The following MORC1 variants were observed in gnomAD, a reference collection of about 807,000 sequenced individuals.
The protein encoded by MORC1 is MORC family CW-type zinc finger 1.
A neutral mutation model predicts 134.9 loss-of-function variants in MORC1; 59 were observed. The ratio of observed to expected loss-of-function variants is 0.44; its 90% CI spans 0.35 to 0.54. The LOEUF (loss-of-function observed/expected upper bound fraction) is 0.54, where lower values mean the gene tolerates loss of function less well. MORC1 is among the 20% of genes least tolerant of loss of function. The probability of loss-of-function intolerance (pLI) is 0.00; values close to 1 mark genes in which losing one functional copy is unlikely to be tolerated. For missense variants in MORC1, 947 were observed against 1,134.5 expected, an observed-to-expected ratio of 0.83 and a Z score of 2.37; for synonymous variants, 395 against 391.7, an observed-to-expected ratio of 1.01 and a Z score of -0.10.
chr3:109,011,557 T>C (rs1289582787), intron 17 of MORC1, among the ~76,000 whole-genome samples: 1 of 151,808 alleles, frequency 6.6e-6, no homozygotes, highest in Non-Finnish European at 1.5e-5. Flanking sequence ...GTTTCGCTCT[T>C]GCTGCCCAGG....
intron 12 of MORC1, among the ~76,000 whole-genome samples, chr3:109,059,229 T>C (rs1179639826): frequency 1.3e-5 from 2 of 152,164 alleles, no homozygotes; most frequent in Non-Finnish European, 2.9e-5. Flanking sequence ...TGATCTTATG[T>C]GGGCAGCAGT....
At chr3:109,113,745 T>C (rs978915867) in intron 2 of MORC1, among the ~76,000 whole-genome samples, 1 of 151,252 alleles carries the variant, frequency 6.6e-6, no homozygotes, top group African/African-American at 2.4e-5. Context: ...GTTTAACGGG[T>C]TCCTTAATCA....
At chr3:109,070,464 T>C (rs1950294105) in intron 8 of MORC1, among the ~76,000 whole-genome samples, 1 of 152,178 alleles carries the variant, frequency 6.6e-6, no homozygotes, top group Admixed American at 6.5e-5. Context: ...TCCAGGGAAC[T>C]TCTATATTAA....
chr3:109,029,728 C>T (rs192624967), intron 16 of MORC1, among the ~76,000 whole-genome samples: 1 of 152,278 alleles, frequency 6.6e-6, no homozygotes, highest in Non-Finnish European at 1.5e-5. Context: ...CTCCACCTTA[C>T]CCTCTCCGGG....
At chr3:109,063,792 T>G (rs1445343789) in intron 9 of MORC1, among the ~76,000 whole-genome samples, 1 of 152,092 alleles carries the variant, frequency 6.6e-6, no homozygotes, top group Non-Finnish European at 1.5e-5. Context: ...TATACATACA[T>G]ATATATATCC....
intron 17 of MORC1, among the ~76,000 whole-genome samples, chr3:109,020,777 G>A (rs200359842): frequency 2.6e-4 from 24 of 90,868 alleles, no homozygotes; most frequent in African/African-American, 3.7e-4. Flanking sequence ...AAAAAAAAAA[G>A]ATTAGGTATG....
At chr3:108,980,798 T>C (rs1168254194) in intron 23 of MORC1, among the ~76,000 whole-genome samples, 1 of 152,144 alleles carries the variant, frequency 6.6e-6, no homozygotes, top group Non-Finnish European at 1.5e-5. Flanking sequence ...AGAGAAATAC[T>C]TAGTCATGAT....
intron 27 of MORC1, among the ~76,000 whole-genome samples, chr3:108,962,465 C>T (rs72935327): frequency 0.012 from 1,899 of 152,160 alleles, 38 homozygotes; most frequent in African/African-American, 0.042. Context: ...ATATGTATGG[C>T]GAGTTTCTTG....
chr3:109,088,016 T>G (rs1277245275), intron 8 of MORC1, among the ~76,000 whole-genome samples: 2 of 152,102 alleles, frequency 1.3e-5, no homozygotes, highest in Non-Finnish European at 2.9e-5. Context: ...GATAACTGGC[T>G]AGCCATATGC....
chr3:109,091,782 T>A lies in MORC1; in HGVS notation c.689+1654A>T, dbSNP rs529656003. Among the ~76,000 whole-genome samples, 8 of 152,224 alleles carry A rather than the reference T, an allele frequency of 5.3e-5. No homozygotes were observed. The South Asian group carries it at 8.3e-4, about 16-fold the overall frequency. ...TTCTTGTGATTAAACTAAAAAAAAA[T>A]TTTTGCTGAAAAACAAATTAGAAAA... On this transcript the variant is annotated intron_variant, in intron 8 of 27. Transcript: ENST00000232603.
chr3:109,070,553 G>A (rs891167587), intron 8 of MORC1, among the ~76,000 whole-genome samples: 3 of 152,076 alleles, frequency 2.0e-5, no homozygotes, highest in Non-Finnish European at 2.9e-5. Context: ...TGCTGAAGAA[G>A]CGATGCTCTT....
intron 18 of MORC1, among the ~76,000 whole-genome samples, chr3:109,005,940 T>C (rs1388660452): frequency 6.6e-6 from 1 of 152,180 alleles, no homozygotes; most frequent in South Asian, 2.1e-4. Flanking sequence ...TAGCTCTCAT[T>C]TTCCTTCACA....
rs536150511 is a variant in MORC1 at position 109,033,687 on chromosome 3, C to G, written c.1460-862G>C. On this transcript the variant is annotated intron_variant, in intron 15 of 27. Coordinates refer to ENST00000232603, the MANE Select transcript of MORC1 (RefSeq NM_014429.4). Reference sequence around the variant, plus strand: ...ACTGCTTATATTTCAGTATCATTATCTATTAAAAGATTAATATTATATTAG... The same window carrying G: ...ACTGCTTATATTTCAGTATCATTATGTATTAAAAGATTAATATTATATTAG... 2.0e-5 allele frequency among the ~76,000 whole-genome samples: 3 copies of G among 152,238 alleles called. No individual in the cohort carries two copies. The South Asian group carries it at 6.2e-4, about 32-fold the overall frequency.
At chr3:109,116,407 T>A (rs1427538676) in intron 1 of MORC1, among the ~76,000 whole-genome samples, 1 of 152,156 alleles carries the variant, frequency 6.6e-6, no homozygotes, top group Non-Finnish European at 1.5e-5. Flanking sequence ...AAGCATGCAC[T>A]CTGGATTGGA....
At chr3:109,002,849 C>T (rs531617597) in intron 20 of MORC1, among the ~76,000 whole-genome samples, 6 of 152,172 alleles carry the variant, frequency 3.9e-5, no homozygotes, top group Non-Finnish European at 7.4e-5. Context: ...AGTACCTGCC[C>T]TACTCCTTCA....
Position 108,963,503 on chromosome 3 carries a change from C to T in MORC1, c.2710G>A (p.Gly904Arg), listed in dbSNP as rs1243846476. 1.2e-6 allele frequency: 2 copies of T among 1,611,720 alleles called. No individual in the cohort carries two copies. Among genetic ancestry groups the T allele is most frequent in the South Asian group, 2.2e-5 (2 of 90,774 alleles). Residue 904 changes from glycine to arginine, a missense_variant, in exon 27 of 28, where the codon GGG becomes AGG. Transcript: ENST00000232603. ...ATTTTTCTTTTATTTTCACATTGCC[C>T]CAGAGAGATTTCATTATGTATTCCT... is the stretch of plus-strand genomic sequence containing the variant. ...TRGIHNEISL[G>R]QCENKRKISE... is the part of the protein sequence containing the mutation.
intron 17 of MORC1, among the ~76,000 whole-genome samples, chr3:109,027,333 T>C (rs1949101319): frequency 6.6e-6 from 1 of 152,208 alleles, no homozygotes. Context: ...AGTTAATAGG[T>C]TAATGTTTTT....
At chr3:109,008,198 A>T (rs1273439519) in intron 17 of MORC1, among the ~76,000 whole-genome samples, 3 of 152,126 alleles carry the variant, frequency 2.0e-5, no homozygotes, top group African/African-American at 7.2e-5. Flanking sequence ...GGATCTTCTC[A>T]ATCTTTTACT....
chr3:109,112,408 T>C (rs1172170715), intron 2 of MORC1, among the ~76,000 whole-genome samples: 2 of 152,222 alleles, frequency 1.3e-5, no homozygotes, highest in Non-Finnish European at 2.9e-5. Context: ...TAGAATAACA[T>C]GGGGACTTCA....
Sources: gnomAD v4.1 joint callset for allele counts (sites outside exome capture counted in the v4.1 genomes callset) on GRCh38, gnomAD v4.1.1 for gene constraint, MANE v1.5 for transcripts, NCBI Gene and HGNC (gene_info 2026-07-23, HGNC 2026-07-21) for gene names.